The following DRAXIN variants were observed in gnomAD, a reference collection of about 807,000 sequenced individuals.
DRAXIN encodes the protein dorsal repulsive axon guidance protein.
Under a neutral mutation model 33.9 loss-of-function variants are expected in DRAXIN, and 27 were observed. The observed-to-expected ratio is 0.80, with a 90% CI of 0.59 to 1.10. DRAXIN has a LOEUF of 1.10. DRAXIN is among the 50% of genes least tolerant of loss of function. The pLI is 0.00. For missense variants in DRAXIN, 371 were observed against 460.8 expected (o/e 0.81, Z 1.78); for synonymous variants, 178 against 194.0 (o/e 0.92, Z 0.69).
chr1:11,703,255 GGAGCACCAAGCGGA>G (rs1272287515), intron 1 of DRAXIN, among the ~76,000 whole-genome samples: 1 of 152,212 alleles, frequency 6.6e-6, no homozygotes, highest in African/African-American at 2.4e-5. Flanking sequence ...AAGGCATGTG[GGAGCACCAAGCGGA>G]GAGCACATGG....
In DRAXIN at chr1:11,725,307, CCT is replaced by C; in HGVS notation, c.*5612_*5613del. ...CTCCAGCTTAGGCAATACAGCGAGA[CCT>C]TGTCTCAAAAAAAGACAAAAAAAAC... On this transcript the variant is annotated 3_prime_UTR_variant, in exon 7 of 7. Transcript: ENST00000294485. 6.6e-6 allele frequency: 1 copy of C among 152,172 alleles called. No individual in the cohort carries two copies. The highest frequency in any genetic ancestry group is 1.9e-4 in the East Asian group (1 of 5,156). 9.4% of individuals were successfully genotyped at this position (152,172 alleles called of 1,614,324 possible). A position where few individuals can be genotyped will look rare whatever the true frequency, so the allele number is the denominator to read the frequency against.
intron 1 of DRAXIN, among the ~76,000 whole-genome samples, chr1:11,693,583 C>T (rs2100727773): frequency 6.6e-6 from 1 of 152,310 alleles, no homozygotes; most frequent in Admixed American, 6.5e-5. Context: ...ACAGCCAGGG[C>T]TGGCAACTGG....
chr1:11,709,498 AG>A, intron 3 of DRAXIN, 33 bp downstream of exon 3: 1 of 1,588,834 alleles, frequency 6.3e-7, no homozygotes, highest in South Asian at 1.2e-5. Flanking sequence ...CGGATCTGGA[AG>A]GGTCCTTGAG....
intron 6 of DRAXIN, among the ~76,000 whole-genome samples, chr1:11,716,319 T>C (rs1273832266): frequency 6.6e-6 from 1 of 152,272 alleles, no homozygotes; most frequent in African/African-American, 2.4e-5. Context: ...TATTCCGACA[T>C]GATTTCTAAG....
rs959244746 is a variant in DRAXIN at position 11,724,376 on chromosome 1, C to A, written c.*4680C>A. The A allele has an allele frequency of 1.3e-5, 2 of 152,318 alleles. No individual in the cohort carries two copies. The highest frequency in any genetic ancestry group is 6.5e-5 in the Admixed American group (1 of 15,282). The allele number at this position is 152,318 out of a possible 1,614,324, so 9.4% of individuals were successfully genotyped here. ...AGTCTCACCGCGGATCCCAGGAATA[C>A]CTGCTGTTCCCACAGGGCTGCCTTT... is the stretch of plus-strand genomic sequence containing the variant. On this transcript the variant is annotated 3_prime_UTR_variant, in exon 7 of 7. Transcript: ENST00000294485.
chr1:11,718,365 G>A (rs1002456229), intron 6 of DRAXIN, among the ~76,000 whole-genome samples: 2 of 150,620 alleles, frequency 1.3e-5, no homozygotes, highest in Admixed American at 6.6e-5. Context: ...GTTTTACAGG[G>A]AAGGGCAGAA....
upstream of DRAXIN, among the ~76,000 whole-genome samples, chr1:11,687,355 T>C (rs1640977846): frequency 6.6e-6 from 1 of 152,226 alleles, no homozygotes; most frequent in Admixed American, 6.5e-5. This position sits in a 1 kb window ranked among gnomAD's most constrained non-coding sequence, Gnocchi z 4.1. Context: ...TTCTCCTGCC[T>C]CAGCCTCCCG....
chr1:11,710,970 A>T (rs1641486084), intron 3 of DRAXIN, among the ~76,000 whole-genome samples: 1 of 151,076 alleles, frequency 6.6e-6, no homozygotes, highest in Admixed American at 6.6e-5. Context: ...AAGGATCAAT[A>T]ATATATATGT....
At chr1:11,709,787 A>G (rs1641447742) in intron 3 of DRAXIN, among the ~76,000 whole-genome samples, 2 of 152,354 alleles carry the variant, frequency 1.3e-5, no homozygotes, top group East Asian at 3.9e-4. Flanking sequence ...TTCTGTGTAC[A>G]GAGGAGCATG....
rs2100726834 is a variant in DRAXIN at position 11,692,673 on chromosome 1, C to T, written c.-11+820C>T. On this transcript the variant is annotated intron_variant, in intron 1 of 6. Transcript: ENST00000294485. The surrounding 1 kb of genome is among the most constrained non-coding windows in gnomAD (Gnocchi z 5.8). ...TCAGCTGGGTGCTCCCTGGGCCATC[C>T]TCTCCGCCCGGTGGTCTCCCCTGCC... Among the ~76,000 whole-genome samples, 1 of 152,316 alleles carries T rather than the reference C, an allele frequency of 6.6e-6. No homozygotes were observed. Among genetic ancestry groups the T allele is most frequent in the Non-Finnish European group, 1.5e-5 (1 of 68,022 alleles).
rs1282528870 is a variant in DRAXIN at position 11,705,441 on chromosome 1, G to C, written c.-10-808G>C. On this transcript the variant is annotated intron_variant, in intron 1 of 6. Transcript: ENST00000294485. The surrounding 1 kb of genome is among the most constrained non-coding windows in gnomAD (Gnocchi z 4.8). The stretch of plus-strand genomic sequence containing the variant: ...TCGGGTTGGCTCAGTCTACCCTGCA[G>C]GGGTCAGAGCCAAGTCTGCAAAGCT... 2.0e-5 allele frequency among the ~76,000 whole-genome samples: 3 copies of C among 152,238 alleles called. No homozygotes were observed. In the East Asian group the frequency reaches 5.8e-4, roughly 29 times the overall value.
chr1:11,688,717 T>C (rs1641006741), upstream of DRAXIN, among the ~76,000 whole-genome samples: 1 of 152,174 alleles, frequency 6.6e-6, no homozygotes, highest in African/African-American at 2.4e-5. The surrounding 1 kb of genome is among the most constrained non-coding windows in gnomAD (Gnocchi z 4.6). Context: ...CAACCCCATC[T>C]TGAGTAGGGG....
intron 5 of DRAXIN, among the ~76,000 whole-genome samples, chr1:11,713,423 C>T (rs1641528564): frequency 6.6e-6 from 1 of 152,192 alleles, no homozygotes; most frequent in Non-Finnish European, 1.5e-5. Flanking sequence ...CTTGTCCCAT[C>T]GCAACACTGC....
chr1:11,719,820 C>A lies in DRAXIN; in HGVS notation c.*124C>A. The A allele has an allele frequency of 1.1e-6, 1 of 903,080 alleles. No homozygotes were observed. The highest frequency in any genetic ancestry group is 1.7e-6 in the Non-Finnish European group (1 of 577,646). The allele number at this position is 903,080 out of a possible 1,614,324, so 55.9% of individuals were successfully genotyped here. A position where few individuals can be genotyped will look rare whatever the true frequency, so the allele number is the denominator to read the frequency against. On this transcript the variant is annotated 3_prime_UTR_variant, in exon 7 of 7. Coordinates refer to ENST00000294485, the MANE Select transcript of DRAXIN (RefSeq NM_198545.4). ...TGAGGCTGCAGACTCAGGCCCAGGA[C>A]ACTCAACCCCAGGAGGGGAGCCGCT...
chr1:11,710,921 C>CAAAAAAAAAAA (rs57916288), intron 3 of DRAXIN, among the ~76,000 whole-genome samples: 7 of 90,102 alleles, frequency 7.8e-5, no homozygotes, highest in East Asian at 3.7e-4. Flanking sequence ...GACTCCATCT[C>CAAAAAAAAAAA]AAAAAAAAAA....
chr1:11,712,172 A>G (rs60437934), intron 4 of DRAXIN, among the ~76,000 whole-genome samples, 168 bp from the exon 5 acceptor site: 21,304 of 152,074 alleles, frequency 0.14, 1,579 homozygotes, highest in East Asian at 0.24. Context: ...ACACGCTTCC[A>G]TGTTTCCACT....
chr1:11,688,893 T>G (rs1641009464), upstream of DRAXIN, among the ~76,000 whole-genome samples: 1 of 152,182 alleles, frequency 6.6e-6, no homozygotes, highest in Non-Finnish European at 1.5e-5. The surrounding 1 kb of genome is among the most constrained non-coding windows in gnomAD (Gnocchi z 4.6). Flanking sequence ...AAAAGCAAGA[T>G]GGCCACGAGA....
chr1:11,712,903 C>CA (rs201835494), intron 5 of DRAXIN, among the ~76,000 whole-genome samples: 4,321 of 123,674 alleles, frequency 0.035, 152 homozygotes, highest in African/African-American at 0.1. Flanking sequence ...AACTCCATCT[C>CA]AAAAAAAAAA....
At position 11,709,408 on chromosome 1, in the gene DRAXIN, G is replaced by A. The variant is rs1308790116; in HGVS notation, c.585G>A (p.Glu195=). The change falls in exon 3 of 7, where the codon GAG becomes GAA. Residue 195 remains glutamate (E), a synonymous_variant. Coordinates refer to ENST00000294485, the MANE Select transcript of DRAXIN (RefSeq NM_198545.4). ...CCATGTTCTTTCTCACCACCTTTGA[G>A]GCAGCACCTGCCACAGAAGAGTCCC... is the stretch of plus-strand genomic sequence containing the variant. ...APTMFFLTTF[E]AAPATEESLI... is the part of the protein sequence containing the mutation. 1 of 1,613,930 alleles carries A rather than the reference G, an allele frequency of 6.2e-7. No homozygotes were observed. Among genetic ancestry groups the A allele is most frequent in the African/African-American group, 1.3e-5 (1 of 75,042 alleles).
Sources: allele counts gnomAD v4.1 joint callset (sites outside exome capture counted in the v4.1 genomes callset), GRCh38; gene constraint gnomAD v4.1.1; non-coding constraint Gnocchi (gnomAD v3.1); transcripts MANE v1.5; gene names NCBI Gene and HGNC (gene_info 2026-07-23, HGNC 2026-07-21).